The following ITGB6 variants were observed in gnomAD, a reference collection of about 807,000 sequenced individuals.
ITGB6 encodes the protein integrin beta-6.
Under a neutral mutation model 84.5 loss-of-function variants are expected in ITGB6, and 80 were observed. The ratio of observed to expected loss-of-function variants is 0.95; its 90% CI spans 0.79 to 1.14. The LOEUF (loss-of-function observed/expected upper bound fraction) is 1.14, where lower values mean the gene tolerates loss of function less well. Among genes scored for constraint, ITGB6 ranks in the 50% most tolerant of loss-of-function variants. ITGB6 has a pLI of 0.00. For synonymous variants in ITGB6, 383 were observed against 354.9 expected, an observed-to-expected ratio of 1.08 and a Z score of -0.89; for missense variants, 1,006 against 968.0, an observed-to-expected ratio of 1.04 and a Z score of -0.52.
intron 8 of ITGB6, among the ~76,000 whole-genome samples, chr2:160,139,069 T>A (rs533739802): frequency 6.6e-6 from 1 of 152,240 alleles, no homozygotes; most frequent in South Asian, 2.1e-4. Flanking sequence ...TAGAGTTAGG[T>A]CTGGGGAATA....
intron 12 of ITGB6, among the ~76,000 whole-genome samples, chr2:160,121,990 A>G (rs932409213): frequency 6.6e-6 from 1 of 151,786 alleles, no homozygotes; most frequent in African/African-American, 2.4e-5. Flanking sequence ...ATATTATGCG[A>G]TCATTTCAAG....
At chr2:160,141,483 G>A (rs1382138372) in intron 8 of ITGB6, among the ~76,000 whole-genome samples, 3 of 152,154 alleles carry the variant, frequency 2.0e-5, no homozygotes, top group African/African-American at 7.2e-5. Flanking sequence ...AGTGGAAAAT[G>A]TCCCTAGTTC....
intron 14 of ITGB6, among the ~76,000 whole-genome samples, 161 bp from the exon 15 acceptor site, chr2:160,101,995 T>G (rs1481853332): frequency 6.6e-6 from 1 of 152,216 alleles, no homozygotes; most frequent in Non-Finnish European, 1.5e-5. Flanking sequence ...GTTTTGCAAT[T>G]TATACATTTT....
At chr2:160,194,037 A>G (rs1686239798) in intron 4 of ITGB6, among the ~76,000 whole-genome samples, 1 of 152,112 alleles carries the variant, frequency 6.6e-6, no homozygotes, top group South Asian at 2.1e-4. Flanking sequence ...GGTGCCTGTA[A>G]TCTCAGCTAC....
chr2:160,195,888 G>T (rs1686314826), intron 3 of ITGB6, among the ~76,000 whole-genome samples: 1 of 148,548 alleles, frequency 6.7e-6, no homozygotes, highest in African/African-American at 2.4e-5. Context: ...TGAATTTTTT[G>T]TGTGTTGTTT....
chr2:160,136,603 T>C (rs1049254593), intron 10 of ITGB6, among the ~76,000 whole-genome samples: 1 of 152,220 alleles, frequency 6.6e-6, no homozygotes, highest in African/African-American at 2.4e-5. Flanking sequence ...CATGCACACG[T>C]ATGTTTATTG....
intron 7 of ITGB6, among the ~76,000 whole-genome samples, chr2:160,155,528 A>G (rs1245110146): frequency 6.6e-6 from 1 of 152,202 alleles, no homozygotes; most frequent in Non-Finnish European, 1.5e-5. Flanking sequence ...AGATGATGAT[A>G]ATGGGGAAGG....
intron 12 of ITGB6, among the ~76,000 whole-genome samples, chr2:160,123,532 A>G (rs560078291): frequency 6.6e-6 from 1 of 152,298 alleles, no homozygotes; most frequent in East Asian, 1.9e-4. Flanking sequence ...CTACAGTTGA[A>G]TTTGTTAAGC....
At chr2:160,159,014 G>C (rs756863907) in intron 7 of ITGB6, among the ~76,000 whole-genome samples, 1 of 151,702 alleles carries the variant, frequency 6.6e-6, no homozygotes, top group East Asian at 1.9e-4. Flanking sequence ...CAGGAGACTC[G>C]CTTGAAGCCA....
intron 7 of ITGB6, among the ~76,000 whole-genome samples, chr2:160,155,370 T>C (rs1180438482): frequency 2.6e-5 from 4 of 152,170 alleles, no homozygotes; most frequent in African/African-American, 7.2e-5. Flanking sequence ...CTCTGTACGA[T>C]ACTACAAAGG....
chr2:160,114,288 G>C (rs958381437), intron 12 of ITGB6, among the ~76,000 whole-genome samples: 1 of 152,106 alleles, frequency 6.6e-6, no homozygotes, highest in East Asian at 1.9e-4. Flanking sequence ...AATGTGCAAC[G>C]ACAGATTTGC....
intron 7 of ITGB6, among the ~76,000 whole-genome samples, chr2:160,158,731 AG>A (rs973347221): frequency 3.9e-5 from 6 of 152,210 alleles, no homozygotes; most frequent in African/African-American, 1.2e-4. Flanking sequence ...GGACTGCAAA[AG>A]AGGCTTCAGC....
intron 14 of ITGB6, among the ~76,000 whole-genome samples, chr2:160,106,542 T>C (rs1434724986): frequency 6.6e-6 from 1 of 152,218 alleles, no homozygotes; most frequent in Non-Finnish European, 1.5e-5. Flanking sequence ...CCAGCCTTTT[T>C]CCAGTTGTTT....
intron 12 of ITGB6, among the ~76,000 whole-genome samples, chr2:160,118,839 A>C (rs1172767545): frequency 6.6e-6 from 1 of 152,194 alleles, no homozygotes; most frequent in East Asian, 1.9e-4. Flanking sequence ...AAATCAATGT[A>C]CAAAAATCAC....
intron 10 of ITGB6, among the ~76,000 whole-genome samples, chr2:160,132,131 T>C (rs923294782): frequency 7.2e-5 from 11 of 152,290 alleles, no homozygotes; most frequent in African/African-American, 2.4e-4. Flanking sequence ...TTCTGCCCAA[T>C]ATATCCTCTC....
chr2:160,149,677 C>T (rs183182908), intron 7 of ITGB6, among the ~76,000 whole-genome samples: 7 of 152,036 alleles, frequency 4.6e-5, no homozygotes, highest in Admixed American at 2.0e-4. Context: ...TGAGGATGTT[C>T]GAACCCCTTG....
chr2:160,107,251 T>C (rs1255245714), intron 14 of ITGB6, among the ~76,000 whole-genome samples: 1 of 152,158 alleles, frequency 6.6e-6, no homozygotes, highest in Non-Finnish European at 1.5e-5. Flanking sequence ...TCCAAAGAAA[T>C]TGGCATGAAT....
intron 12 of ITGB6, among the ~76,000 whole-genome samples, chr2:160,118,618 C>T (rs1682887917): frequency 6.6e-6 from 1 of 151,954 alleles, no homozygotes; most frequent in Non-Finnish European, 1.5e-5. Flanking sequence ...ACAGGGATGC[C>T]CTGTCTCACC....
intron 10 of ITGB6, among the ~76,000 whole-genome samples, chr2:160,135,581 A>G (rs1034370189): frequency 8.8e-5 from 13 of 148,124 alleles, no homozygotes; most frequent in Admixed American, 4.1e-4. Flanking sequence ...ACCAAAAAAG[A>G]GCCCACATTG....
Sources: allele counts gnomAD v4.1 joint callset (sites outside exome capture counted in the v4.1 genomes callset), GRCh38; gene constraint gnomAD v4.1.1; transcripts MANE v1.5; gene names NCBI Gene and HGNC (gene_info 2026-07-23, HGNC 2026-07-21).